The following SEC24D variants were observed in gnomAD, a reference collection of about 807,000 sequenced individuals.
SEC24D encodes the protein protein transport protein Sec24D.
Under a neutral mutation model 116.9 loss-of-function variants are expected in SEC24D, and 69 were observed. The ratio of observed to expected loss-of-function variants is 0.59; its 90% CI spans 0.49 to 0.72. The LOEUF is 0.72. Ranked by LOEUF, SEC24D falls within the 30% of genes least tolerant of loss-of-function variation. The probability of loss-of-function intolerance (pLI) is 0.00; values close to 1 mark genes in which losing one functional copy is unlikely to be tolerated. For synonymous variants in SEC24D, 405 were observed against 442.8 expected (o/e 0.91, Z 1.07); for missense variants, 1,131 against 1,264.1 (o/e 0.89, Z 1.60).
At chr4:118,793,017 T>A (rs114692711) in intron 8 of SEC24D, among the ~76,000 whole-genome samples, 1 of 152,196 alleles carries the variant, frequency 6.6e-6, no homozygotes, top group Non-Finnish European at 1.5e-5. Context: ...GGATAGGGTA[T>A]CTAAGGGGAG....
At chr4:118,739,420 T>G (rs1726127581) in intron 17 of SEC24D, 133 bp from the exon 18 acceptor site, 2 of 756,184 alleles carry the variant, frequency 2.6e-6, no homozygotes, top group Non-Finnish European at 4.1e-6. Context: ...CCACAGTTTT[T>G]TTTCTATTAT....
At chr4:118,748,976 T>G (rs971753430) in intron 13 of SEC24D, among the ~76,000 whole-genome samples, 5 of 152,150 alleles carry the variant, frequency 3.3e-5, no homozygotes, top group African/African-American at 1.2e-4. Context: ...CATCATGTAT[T>G]TTAAGCATAA....
chr4:118,791,863 T>C (rs1391502535), intron 8 of SEC24D, among the ~76,000 whole-genome samples: 1 of 152,182 alleles, frequency 6.6e-6, no homozygotes, highest in Non-Finnish European at 1.5e-5. Flanking sequence ...TGGCGTGATC[T>C]TGGCTCGCTA....
intron 8 of SEC24D, among the ~76,000 whole-genome samples, chr4:118,770,391 G>A (rs35716438): frequency 0.024 from 3,607 of 152,198 alleles, 78 homozygotes; most frequent in Non-Finnish European, 0.033. Flanking sequence ...AGTAAGAAGC[G>A]GAAGACAACA....
Position 118,747,418 on chromosome 4 carries a change from C to T in SEC24D, c.1708-2358G>A, listed in dbSNP as rs530306633. ...AGTAACTGGGATTACAGACGTGCGC[C>T]ACCACGCCCAGCTATTTTTGTATTT... On this transcript the variant is annotated intron_variant, in intron 13 of 22. Transcript: ENST00000280551. Among the ~76,000 whole-genome samples the T allele has an allele frequency of 2.0e-5, 3 of 151,922 alleles. No individual in the cohort carries two copies. The South Asian group carries it at 6.2e-4, about 32-fold the overall frequency.
At chr4:118,811,695 A>G (rs1290878233) in intron 6 of SEC24D, among the ~76,000 whole-genome samples, 1 of 152,212 alleles carries the variant, frequency 6.6e-6, no homozygotes, top group Non-Finnish European at 1.5e-5. Context: ...CAGTCCCCAT[A>G]ATGAAGTAAA....
intron 6 of SEC24D, among the ~76,000 whole-genome samples, chr4:118,812,671 C>G (rs114775762): frequency 6.6e-6 from 1 of 152,098 alleles, no homozygotes; most frequent in Admixed American, 6.5e-5. Flanking sequence ...CTGGCTCCCC[C>G]ACCTGCTGAG....
chr4:118,807,214 G>A (rs532423807), intron 6 of SEC24D, among the ~76,000 whole-genome samples: 27 of 152,206 alleles, frequency 1.8e-4, no homozygotes, highest in Middle Eastern at 3.4e-3. Flanking sequence ...GTTTTTGCCC[G>A]CTGCAGAGAA....
intron 7 of SEC24D, among the ~76,000 whole-genome samples, chr4:118,805,156 TAG>T (rs1256273457): frequency 6.6e-6 from 1 of 152,140 alleles, no homozygotes; most frequent in Admixed American, 6.5e-5. Flanking sequence ...GCACAGAGGA[TAG>T]AGAGAGGATC....
chr4:118,746,004 T>C (rs1191067431), intron 13 of SEC24D, among the ~76,000 whole-genome samples: 1 of 151,974 alleles, frequency 6.6e-6, no homozygotes, highest in Non-Finnish European at 1.5e-5. Context: ...AGTGAGACTC[T>C]TGTCTCTACA....
rs560872891 is a variant in SEC24D, at chr4:118,756,659, A to G, written c.1421+1062T>C. Among the ~76,000 whole-genome samples the G allele has an allele frequency of 4.6e-5, 7 of 152,178 alleles. No individual in the cohort carries two copies. In the South Asian group the frequency reaches 1.5e-3, roughly 32 times the overall value. On this transcript the variant is annotated intron_variant, in intron 11 of 22. Coordinates refer to ENST00000280551, the MANE Select transcript of SEC24D (RefSeq NM_014822.4). ...AAAGATTGTTGATGTTCAGGGAGAC[A>G]GGTTGGGGGTGGGACACGTAGGGAC... is the stretch of plus-strand genomic sequence containing the variant.
rs767772450 is a variant in SEC24D, at chr4:118,797,828, A to G, written c.914-18T>C. The G allele has an allele frequency of 5.7e-6, 9 of 1,569,274 alleles. No individual in the cohort carries two copies. The highest frequency in any genetic ancestry group is 7.8e-6 in the Non-Finnish European group (9 of 1,151,536). On this transcript the variant is annotated intron_variant, in intron 7 of 22. Coordinates refer to ENST00000280551, the MANE Select transcript of SEC24D (RefSeq NM_014822.4). ...GGCATTTCCTGAAACATTCAAAAGG[A>G]TACACTTAAAACTTGTTTAGAAAAA...
In SEC24D at chr4:118,811,622, A is replaced by G. The variant is rs1177775583; in HGVS notation, c.801+3406T>C. Among the ~76,000 whole-genome samples the G allele has an allele frequency of 2.2e-4, 33 of 152,222 alleles. 1 individual carries two copies. Among genetic ancestry groups the G allele is most frequent in the Non-Finnish European group, 4.4e-5 (3 of 68,042 alleles). The stretch of plus-strand genomic sequence containing the variant: ...GAAAATTCTGCTTCCAGATGCCTTT[A>G]GACTTGAGCTGCAATATCAACTCTT... On this transcript the variant is annotated intron_variant, in intron 6 of 22. Transcript: ENST00000280551.
At chr4:118,801,939 T>C (rs551605026) in intron 7 of SEC24D, among the ~76,000 whole-genome samples, 1 of 152,364 alleles carries the variant, frequency 6.6e-6, no homozygotes, top group African/African-American at 2.4e-5. Context: ...CATTATGTGA[T>C]AATTTTACTG....
intron 8 of SEC24D, among the ~76,000 whole-genome samples, chr4:118,785,027 T>C (rs1396361889): frequency 1.3e-5 from 2 of 152,112 alleles, no homozygotes; most frequent in Admixed American, 6.5e-5. Context: ...AATATTTTCA[T>C]TGATATAGAC....
intron 9 of SEC24D, among the ~76,000 whole-genome samples, chr4:118,767,518 T>A (rs1727696306): frequency 6.6e-6 from 1 of 152,238 alleles, no homozygotes; most frequent in Non-Finnish European, 1.5e-5. Flanking sequence ...AGCCTCAGTA[T>A]GTACCTCATT....
intron 7 of SEC24D, among the ~76,000 whole-genome samples, chr4:118,802,322 C>T (rs1015107333): frequency 6.6e-6 from 1 of 152,122 alleles, no homozygotes; most frequent in African/African-American, 2.4e-5. Context: ...TGGCTCTGAT[C>T]CTAACCAGCT....
chr4:118,785,979 T>C (rs181937484), intron 8 of SEC24D, among the ~76,000 whole-genome samples: 4 of 152,300 alleles, frequency 2.6e-5, no homozygotes, highest in Admixed American at 6.5e-5. Context: ...TAGCAAATAA[T>C]CATAATATGG....
chr4:118,831,810 TAC>T (rs749270040), intron 2 of SEC24D, among the ~76,000 whole-genome samples: 5 of 152,078 alleles, frequency 3.3e-5, no homozygotes, highest in Non-Finnish European at 5.9e-5. Context: ...GGGAAAAATC[TAC>T]AGAGTGGGAT....
Sources: allele counts gnomAD v4.1 joint callset (sites outside exome capture counted in the v4.1 genomes callset), GRCh38; gene constraint gnomAD v4.1.1; transcripts MANE v1.5; gene names NCBI Gene and HGNC (gene_info 2026-07-23, HGNC 2026-07-21).